FAM135B: variants seen among roughly 807,000 people sequenced by gnomAD.
The protein encoded by FAM135B is family with sequence similarity 135 member B, also known as protein FAM135B.
A neutral mutation model predicts 127.7 loss-of-function variants in FAM135B; 43 were observed. That is an observed-to-expected ratio of 0.34 (90% CI 0.26 to 0.43). The LOEUF (loss-of-function observed/expected upper bound fraction) is 0.43. FAM135B is among the 20% of genes least tolerant of loss of function. The probability of loss-of-function intolerance (pLI) is 1.00; values close to 1 mark genes in which losing one functional copy is unlikely to be tolerated. For missense variants in FAM135B, 1,558 were observed against 1,725.6 expected (o/e 0.90, Z 1.72); for synonymous variants, 670 against 665.1 (o/e 1.01, Z -0.11).
At position 138,153,129 on chromosome 8, in the gene FAM135B, A is replaced by C; in HGVS notation, c.1346T>G (p.Met449Arg). 6.2e-7 allele frequency: 1 copy of C among 1,613,922 alleles called. No individual in the cohort carries two copies. The highest frequency in any genetic ancestry group is 2.2e-5 in the East Asian group (1 of 44,870). ...MNLKDKEDNC[M>R]VNSNLSFRED... ...CCTAAAAGATAAATTGCTATTTACC[A>C]TACAGTTATCTTCCTTGTCTTTCAG... The change falls in exon 13 of 20, where the codon ATG (methionine) becomes AGG (arginine). Residue 449 changes from methionine (M) to arginine (R), a missense_variant. Met to Arg is a moderately conservative substitution (Grantham distance 91). Coordinates refer to ENST00000395297, the MANE Select transcript of FAM135B (RefSeq NM_015912.4).
At chr8:138,405,483 G>A (rs577900664) in intron 1 of FAM135B, among the ~76,000 whole-genome samples, 22 of 150,718 alleles carry the variant, frequency 1.5e-4, no homozygotes, top group Non-Finnish European at 2.2e-4. Flanking sequence ...CTGTCCTTCC[G>A]ATAGTTTACT....
chr8:138,379,766 A>G (rs111367014), intron 1 of FAM135B, among the ~76,000 whole-genome samples: 27 of 152,286 alleles, frequency 1.8e-4, no homozygotes, highest in African/African-American at 6.3e-4. Context: ...AGCACCTCAC[A>G]TTCATTGAGG....
chr8:138,347,399 A>C (rs1046322270), intron 2 of FAM135B, among the ~76,000 whole-genome samples: 3 of 152,212 alleles, frequency 2.0e-5, no homozygotes, highest in Admixed American at 6.5e-5. Flanking sequence ...TGCTTATAGA[A>C]GTCTGGGATC....
chr8:138,358,249 G>A (rs1180474240), intron 2 of FAM135B: 2 of 152,144 alleles, frequency 1.3e-5, no homozygotes, highest in Non-Finnish European at 2.9e-5. Flanking sequence ...TGGTATTTGG[G>A]TGGGGACACA....
intron 19 of FAM135B, among the ~76,000 whole-genome samples, chr8:138,133,870 G>A (rs1267608384): frequency 2.0e-5 from 3 of 152,144 alleles, no homozygotes; most frequent in African/African-American, 7.2e-5. Context: ...GTATTTGGGG[G>A]TGTTTCTTTT....
chr8:138,250,956 G>A lies in FAM135B; in HGVS notation c.427C>T (p.His143Tyr), dbSNP rs1443989588. ...VSSRTLGLHF[H>Y]PRNGLHHQVP... ...TGGTGGTGCAGACCATTCCGGGGGT[G>A]GAAGTGCAGGCCAAGCGTTCGGCTG... The change falls in exon 6 of 20, where the codon CAC (histidine) becomes TAC (tyrosine). Residue 143 changes from histidine to tyrosine, a missense_variant. Around this residue, in one of 5 missense-constraint regions of FAM135B, gnomAD observed 199 missense variants for 245.7 expected, o/e 0.81. Transcript: ENST00000395297. 1.2e-6 allele frequency: 2 copies of A among 1,613,940 alleles called. No homozygotes were observed. The highest frequency in any genetic ancestry group is 1.7e-6 in the Non-Finnish European group (2 of 1,179,994).
intron 1 of FAM135B, among the ~76,000 whole-genome samples, chr8:138,403,069 G>A (rs1833241701): frequency 6.6e-6 from 1 of 152,182 alleles, no homozygotes; most frequent in African/African-American, 2.4e-5. Context: ...GGAGACCCCA[G>A]CCTCAGAACT....
At chr8:138,382,164 C>T (rs990463195) in intron 1 of FAM135B, among the ~76,000 whole-genome samples, 1 of 152,192 alleles carries the variant, frequency 6.6e-6, no homozygotes, top group Admixed American at 6.5e-5. Flanking sequence ...CCATTCCCAA[C>T]CTTCTCACAC....
chr8:138,393,750 G>A (rs1472017909), intron 1 of FAM135B, among the ~76,000 whole-genome samples: 2 of 152,162 alleles, frequency 1.3e-5, no homozygotes, highest in Non-Finnish European at 2.9e-5. Context: ...CATGATCTCT[G>A]CATGAGTCTC....
intron 1 of FAM135B, among the ~76,000 whole-genome samples, chr8:138,447,062 C>T (rs1008406281): frequency 6.6e-6 from 1 of 151,538 alleles, no homozygotes; most frequent in Non-Finnish European, 1.5e-5. Flanking sequence ...AAATGCTCAT[C>T]ATCACTGGCC....
chr8:138,451,807 A>G (rs930177044), intron 1 of FAM135B, among the ~76,000 whole-genome samples: 12 of 151,542 alleles, frequency 7.9e-5, no homozygotes, highest in Admixed American at 3.9e-4. Context: ...GTCCAAAAAT[A>G]TTGGGTAAAA....
chr8:138,178,564 A>G lies in FAM135B; in HGVS notation c.1000T>C (p.Tyr334His), dbSNP rs761466416. The G allele has an allele frequency of 8.1e-6, 13 of 1,613,894 alleles. No individual in the cohort carries two copies. The South Asian group carries it at 1.4e-4, about 18-fold the overall frequency. The change falls in exon 10 of 20, where the codon TAT becomes CAT. Residue 334 changes from tyrosine to histidine, a missense_variant. Tyr to His is a moderately conservative substitution (Grantham distance 83). Around this residue, in one of 5 missense-constraint regions of FAM135B, gnomAD observed 115 missense variants for 171.1 expected, o/e 0.67. Transcript: ENST00000395297. ...AGGGTGTGGTGTTCCTGGGTGAGATAAGTGGTCACTTGGGAGTGCAGAGTG... is the reference window on the plus strand; with the variant it reads ...AGGGTGTGGTGTTCCTGGGTGAGATGAGTGGTCACTTGGGAGTGCAGAGTG... ...TVTLHSQVTT[Y>H]LTQEHHTLRV... is the part of the protein sequence containing the mutation.
At position 138,178,640 on chromosome 8, in the gene FAM135B, G is replaced by A. The variant is rs1239668319; in HGVS notation, c.924C>T (p.Ala308=). 3.7e-6 allele frequency: 6 copies of A among 1,614,070 alleles called. No individual in the cohort carries two copies. Among genetic ancestry groups the A allele is most frequent in the Non-Finnish European group, 5.1e-6 (6 of 1,180,012 alleles). Reference sequence around the variant, plus strand: ...GAGTCATCATGTGGGACGTGAGCCAGGCCAGATCCTTGCTTATCTGCTCAG... The same window carrying A: ...GAGTCATCATGTGGGACGTGAGCCAAGCCAGATCCTTGCTTATCTGCTCAG... ...KIAEQISKDL[A]WLTSHMMTLW... is the part of the protein sequence containing the mutation. Residue 308 remains alanine, a synonymous_variant, in exon 10 of 20, where the codon GCC becomes GCT. Coordinates refer to ENST00000395297, the MANE Select transcript of FAM135B (RefSeq NM_015912.4).
rs887541616 is a variant in FAM135B, at chr8:138,131,769, GCCC to G, written c.*821_*823del. ...CACACGTGTGTGCATTCATCTCAGT[GCCC>G]CCTTCTGCTAGGTTAGTCTCACTCA... On this transcript the variant is annotated 3_prime_UTR_variant, in exon 20 of 20. Transcript: ENST00000395297. The G allele has an allele frequency of 6.6e-6, 1 of 152,566 alleles. No individual in the cohort carries two copies. The allele number at this position is 152,566 out of a possible 1,614,324, so 9.5% of individuals were successfully genotyped here. A position where few individuals can be genotyped will look rare whatever the true frequency, so the allele number is the denominator to read the frequency against.
chr8:138,444,538 C>A lies in FAM135B; in HGVS notation c.-20+52133G>T, dbSNP rs1835993268. On this transcript the variant is annotated intron_variant, in intron 1 of 19. Transcript: ENST00000395297. The stretch of plus-strand genomic sequence containing the variant: ...AACTACATGGAAACTGAACAACCTG[C>A]TCCTGAATGACTACTGGGTACATAA... Among the ~76,000 whole-genome samples the A allele has an allele frequency of 2.0e-5, 3 of 152,142 alleles. No individual in the cohort carries two copies. The East Asian group carries it at 5.8e-4, about 29-fold the overall frequency.
At chr8:138,291,831 G>A (rs1333220953) in intron 3 of FAM135B, among the ~76,000 whole-genome samples, 1 of 152,110 alleles carries the variant, frequency 6.6e-6, no homozygotes, top group East Asian at 1.9e-4. Flanking sequence ...ACTCAATGGT[G>A]AAAAGCTGAA....
At chr8:138,299,003 T>A (rs11776487) in intron 3 of FAM135B, among the ~76,000 whole-genome samples, 122,634 of 151,166 alleles carry the variant, frequency 0.81, 51,668 homozygotes, top group Non-Finnish European at 0.93. Context: ...GAGGTTGCAA[T>A]GAGCCGAGAT....
chr8:138,410,743 A>G (rs1344426098), intron 1 of FAM135B, among the ~76,000 whole-genome samples: 1 of 152,200 alleles, frequency 6.6e-6, no homozygotes, highest in Non-Finnish European at 1.5e-5. Context: ...CAAAGAATAT[A>G]AAACAGAACT....
chr8:138,358,964 C>T (rs73440126), intron 2 of FAM135B, among the ~76,000 whole-genome samples: 2,271 of 151,900 alleles, frequency 0.015, 54 homozygotes, highest in African/African-American at 0.049. Flanking sequence ...TGTCCTCAGC[C>T]AGGGGTTAAG....
Sources: gnomAD v4.1 joint callset for allele counts (sites outside exome capture counted in the v4.1 genomes callset) on GRCh38, gnomAD v4.1.1 for gene constraint, gnomAD v4.1.1 regional missense constraint, MANE v1.5 for transcripts, NCBI Gene and HGNC (gene_info 2026-07-23, HGNC 2026-07-21) for gene names.